ATP9A: variants seen among roughly 807,000 people sequenced by gnomAD.
The protein encoded by ATP9A is ATPase phospholipid transporting 9A, also known as probable phospholipid-transporting ATPase IIA.
ATP9A carries 52 observed loss-of-function variants against 144.1 expected under a neutral mutation model. That is an observed-to-expected ratio of 0.36 (90% CI 0.29 to 0.45). The LOEUF (loss-of-function observed/expected upper bound fraction) is 0.45. Ranked by LOEUF, ATP9A falls within the 20% of genes least tolerant of loss-of-function variation. ATP9A has a pLI of 1.00. For missense variants in ATP9A, 947 were observed against 1,392.7 expected (o/e 0.68, Z 5.09); for synonymous variants, 582 against 557.4 (o/e 1.04, Z -0.62).
chr20:51,670,017 T>C lies in ATP9A; in HGVS notation c.1273A>G (p.Ile425Val). ...LDSMDEVQSH[I>V]FSIYTQQSQD... ...TTTACCTGGGTGTAAATGCTGAAAA[T>C]GTGGCTTTGTACTTCGTCCATTGAG... The change falls in exon 13 of 28, where the codon ATT becomes GTT. Residue 425 changes from isoleucine to valine, a missense_variant. Coordinates refer to ENST00000338821, the MANE Select transcript of ATP9A (RefSeq NM_006045.3). 6.2e-7 allele frequency: 1 copy of C among 1,613,640 alleles called. No homozygotes were observed. Among genetic ancestry groups the C allele is most frequent in the South Asian group, 1.1e-5 (1 of 91,066 alleles).
chr20:51,604,582 A>G (rs551835561), intron 27 of ATP9A, among the ~76,000 whole-genome samples: 2 of 152,292 alleles, frequency 1.3e-5, no homozygotes, highest in South Asian at 4.1e-4. Context: ...GAAAAACAAA[A>G]ACACTGTCTA....
intron 14 of ATP9A, among the ~76,000 whole-genome samples, chr20:51,644,515 C>A (rs1003754158): frequency 6.6e-6 from 1 of 151,886 alleles, no homozygotes; most frequent in African/African-American, 2.4e-5. Flanking sequence ...CATGATCTGC[C>A]CACCTCGGCC....
chr20:51,760,610 C>T (rs971574477), intron 1 of ATP9A, among the ~76,000 whole-genome samples: 1 of 151,890 alleles, frequency 6.6e-6, no homozygotes, highest in African/African-American at 2.4e-5. Context: ...ATGTGTAATC[C>T]CAGCTACTTG....
At chr20:51,740,258 A>G (rs1283292266) in intron 1 of ATP9A, among the ~76,000 whole-genome samples, 1 of 151,222 alleles carries the variant, frequency 6.6e-6, no homozygotes, top group Non-Finnish European at 1.5e-5. Context: ...GGGTCTCCCT[A>G]CATAGCCCAG....
At chr20:51,743,693 G>A (rs750632366) in intron 1 of ATP9A, among the ~76,000 whole-genome samples, 8 of 137,994 alleles carry the variant, frequency 5.8e-5, no homozygotes, top group South Asian at 2.7e-4. Flanking sequence ...ATGAGCCACC[G>A]TGCCCAGCCC....
intron 1 of ATP9A, among the ~76,000 whole-genome samples, chr20:51,750,440 G>A (rs902410740): frequency 9.2e-5 from 14 of 152,110 alleles, no homozygotes; most frequent in African/African-American, 2.9e-4. Context: ...CACAGACCTA[G>A]GCCACAGAGC....
At chr20:51,652,078 C>T (rs1280415902) in intron 14 of ATP9A, among the ~76,000 whole-genome samples, 1 of 152,202 alleles carries the variant, frequency 6.6e-6, no homozygotes, top group African/African-American at 2.4e-5. Flanking sequence ...GCATTATCAC[C>T]AAGGCCCCCA....
chr20:51,685,930 G>A (rs902659840), intron 9 of ATP9A, among the ~76,000 whole-genome samples: 15 of 152,050 alleles, frequency 9.9e-5, no homozygotes, highest in African/African-American at 1.9e-4. Flanking sequence ...TGTTTATTGC[G>A]GCACTATTCA....
chr20:51,640,233 C>T (rs933177079), intron 14 of ATP9A, among the ~76,000 whole-genome samples: 2 of 152,218 alleles, frequency 1.3e-5, no homozygotes, highest in African/African-American at 4.8e-5. Context: ...TCAGGCTCTC[C>T]TTTCAGCCTC....
At chr20:51,612,905 G>A (rs2077189954) in intron 23 of ATP9A, among the ~76,000 whole-genome samples, 2 of 152,188 alleles carry the variant, frequency 1.3e-5, no homozygotes, top group Non-Finnish European at 1.5e-5. Flanking sequence ...GTGATGCTGA[G>A]TCAATCTCAG....
At position 51,597,547 on chromosome 20, in the gene ATP9A, C is replaced by G. The variant is rs1488206080; in HGVS notation, c.*3664G>C. 1 of 152,058 alleles carries G rather than the reference C, an allele frequency of 6.6e-6. No individual in the cohort carries two copies. Among genetic ancestry groups the G allele is most frequent in the Non-Finnish European group, 1.5e-5 (1 of 68,022 alleles). The allele number at this position is 152,058 out of a possible 1,614,324, so 9.4% of individuals were successfully genotyped here. On this transcript the variant is annotated 3_prime_UTR_variant, in exon 28 of 28. Coordinates refer to ENST00000338821, the MANE Select transcript of ATP9A (RefSeq NM_006045.3). Reference sequence around the variant, plus strand: ...TCGCTCTTTCACACACACACACACCCCCCACACACTTCAAACATACAGAAA... The same window carrying G: ...TCGCTCTTTCACACACACACACACCGCCCACACACTTCAAACATACAGAAA...
intron 24 of ATP9A, among the ~76,000 whole-genome samples, chr20:51,609,750 CCT>C (rs1325202408): frequency 6.6e-6 from 1 of 152,174 alleles, no homozygotes; most frequent in Non-Finnish European, 1.5e-5. Context: ...ATCCCCCACC[CCT>C]TTTTATTAAG....
chr20:51,678,778 G>A (rs982512846), intron 9 of ATP9A, among the ~76,000 whole-genome samples: 3 of 152,222 alleles, frequency 2.0e-5, no homozygotes, highest in African/African-American at 4.8e-5. Flanking sequence ...CCCAAAGGGA[G>A]TGCCCTCTAC....
At chr20:51,719,500 C>T (rs1162309669) in intron 3 of ATP9A, among the ~76,000 whole-genome samples, 2 of 151,910 alleles carry the variant, frequency 1.3e-5, no homozygotes, top group Non-Finnish European at 2.9e-5. Flanking sequence ...TTTGGGAGGC[C>T]AAGATGGGCG....
At chr20:51,687,850 T>C (rs746932494) in intron 9 of ATP9A, among the ~76,000 whole-genome samples, 17 of 150,852 alleles carry the variant, frequency 1.1e-4, no homozygotes, top group Non-Finnish European at 2.2e-4. Flanking sequence ...TGGTGGGGAG[T>C]GGAGAATACT....
chr20:51,692,628 C>A (rs780048698), intron 7 of ATP9A, among the ~76,000 whole-genome samples: 1 of 152,084 alleles, frequency 6.6e-6, no homozygotes, highest in African/African-American at 2.4e-5. Context: ...ACGGTGAAAC[C>A]GTGTCTCTAC....
chr20:51,683,016 C>A (rs1303581325), intron 9 of ATP9A, among the ~76,000 whole-genome samples: 5 of 150,812 alleles, frequency 3.3e-5, no homozygotes, highest in Non-Finnish European at 7.4e-5. Context: ...CGCTTGAACC[C>A]AGGAGGTGGA....
chr20:51,766,765 G>GGGA (rs2077905839), intron 1 of ATP9A, among the ~76,000 whole-genome samples: 1 of 152,050 alleles, frequency 6.6e-6, no homozygotes, highest in Non-Finnish European at 1.5e-5. Context: ...GCTTGAACCC[G>GGGA]GGAGGCGGAG....
intron 9 of ATP9A, 23 bp downstream of exon 9, chr20:51,689,030 AATTGCTACCAC>A: frequency 6.2e-7 from 1 of 1,605,184 alleles, no homozygotes; most frequent in South Asian, 1.1e-5. Context: ...TTCCTTTTCA[AATTGCTACCAC>A]ATTCCTCAAA....
Sources: allele counts gnomAD v4.1 joint callset (sites outside exome capture counted in the v4.1 genomes callset), GRCh38; gene constraint gnomAD v4.1.1; transcripts MANE v1.5; gene names NCBI Gene and HGNC (gene_info 2026-07-23, HGNC 2026-07-21).